Variants in UGT1A3 observed in about 807,000 individuals in gnomAD.
UGT1A3 encodes UDP glucuronosyltransferase family 1 member A3.
UGT1A3 carries 31 observed loss-of-function variants against 41.0 expected under a neutral mutation model. The ratio of observed to expected loss-of-function variants is 0.76; its 90% confidence interval spans 0.57 to 1.02. The LOEUF is 1.02. Among genes scored for constraint, UGT1A3 ranks in the 50% least tolerant of loss-of-function variants. The pLI, the probability that UGT1A3 is intolerant of heterozygous loss-of-function variation, is 0.00. For missense variants in UGT1A3, 737 were observed against 671.0 expected, an observed-to-expected ratio of 1.10 and a Z score of -1.09; for synonymous variants, 262 against 257.6, an observed-to-expected ratio of 1.02 and a Z score of -0.17.
rs587784540 is a variant in UGT1A3 at position 233,760,766 on chromosome 2, T to A, written c.868-6268T>A. 1.9e-6 allele frequency: 3 copies of A among 1,614,116 alleles called. No individual in the cohort carries two copies. The South Asian group carries it at 3.3e-5, about 18-fold the overall frequency. On this transcript the variant is annotated intron_variant, in intron 1 of 4. Coordinates refer to ENST00000482026, the MANE Select transcript of UGT1A3 (RefSeq NM_019093.4). ...CCTTTCCTTCCTTGCAGCCCCATCG[T>A]GGCCCAGTACCTGTCTCTGCCCACT...
chr2:233,743,714 T>A (rs1337587224), intron 1 of UGT1A3: 1 of 1,367,242 alleles, frequency 7.3e-7, no homozygotes, highest in Non-Finnish European at 9.8e-7. Context: ...CGCCTCGCCA[T>A]AGCGGTCATA....
At chr2:233,744,389 G>GC (rs1692798556) in intron 1 of UGT1A3, among the ~76,000 whole-genome samples, 1 of 151,858 alleles carries the variant, frequency 6.6e-6, no homozygotes, top group African/African-American at 2.4e-5. Flanking sequence ...CAACGTTCCA[G>GC]CCCCGGTGCC....
chr2:233,729,946 G>T lies in UGT1A3; in HGVS notation c.820G>T (p.Val274Phe), dbSNP rs757885815. ...DYPRPIMPNM[V>F]FIGGINCANR... is the part of the protein sequence containing the mutation. ...CCCCAGGCCAATCATGCCCAACATG[G>T]TCTTCATTGGGGGCATCAACTGTGC... Residue 274 changes from valine to phenylalanine, a missense_variant, in exon 1 of 5, where the codon GTC (valine) becomes TTC (phenylalanine). Transcript: ENST00000482026. 2 of 1,614,002 alleles carry T rather than the reference G, an allele frequency of 1.2e-6. No homozygotes were observed. The highest frequency in any genetic ancestry group is 1.7e-4 in the Middle Eastern group (1 of 6,056).
chr2:233,760,577 A>G (rs1222761790), intron 1 of UGT1A3: 2 of 1,614,128 alleles, frequency 1.2e-6, no homozygotes, highest in Non-Finnish European at 1.7e-6. Context: ...AGTCTCGGGC[A>G]TAATGTTTTT....
intron 1 of UGT1A3, among the ~76,000 whole-genome samples, chr2:233,759,177 G>A (rs926803147): frequency 1.3e-5 from 2 of 152,142 alleles, no homozygotes; most frequent in East Asian, 1.9e-4. Flanking sequence ...CAGGTTTCAC[G>A]GCAAAAAGTT....
At chr2:233,733,206 G>C (rs1439179922) in intron 1 of UGT1A3, among the ~76,000 whole-genome samples, 1 of 152,146 alleles carries the variant, frequency 6.6e-6, no homozygotes, top group Non-Finnish European at 1.5e-5. Context: ...AGGAGACTTT[G>C]GGCTGAGACA....
Position 233,729,068 on chromosome 2 carries a change from A to C in UGT1A3, c.-59A>C. On this transcript the variant is annotated 5_prime_UTR_variant, in exon 1 of 5. Coordinates refer to ENST00000482026, the MANE Select transcript of UGT1A3 (RefSeq NM_019093.4). ...GTGACAAGGTAATTAAGATGAAGAAAGCAAATGTAGCAGGCACAGCGTGGG... is the reference window on the plus strand; with the variant it reads ...GTGACAAGGTAATTAAGATGAAGAACGCAAATGTAGCAGGCACAGCGTGGG... The C allele has an allele frequency of 6.2e-7, 1 of 1,611,394 alleles. No individual in the cohort carries two copies.
At position 233,729,397 on chromosome 2, in the gene UGT1A3, C is replaced by T. The variant is rs762751427; in HGVS notation, c.271C>T (p.Arg91Cys). Residue 91 changes from arginine to cysteine, a missense_variant, in exon 1 of 5, where the codon CGC becomes TGC. Transcript: ENST00000482026. Reference sequence around the variant, plus strand: ...TTCGTGGACCCAGGATGAATTTGATCGCCATGTGCTGGGCCACACTCAACT... The same window carrying T: ...TTCGTGGACCCAGGATGAATTTGATTGCCATGTGCTGGGCCACACTCAACT... Reference protein sequence around the residue: ...AISWTQDEFDRHVLGHTQLYF... With the variant: ...AISWTQDEFDCHVLGHTQLYF... 4.0e-5 allele frequency: 64 copies of T among 1,613,538 alleles called. No homozygotes were observed. The highest frequency in any genetic ancestry group is 4.6e-5 in the Non-Finnish European group (54 of 1,179,722).
chr2:233,734,937 T>C lies in UGT1A3; in HGVS notation c.867+4944T>C, dbSNP rs140853448. 9.9e-3 allele frequency among the ~76,000 whole-genome samples: 1,505 copies of C among 152,312 alleles called. 23 individuals are homozygous for C. Among genetic ancestry groups the C allele is most frequent in the African/African-American group, 0.035 (1,436 of 41,556 alleles). On this transcript the variant is annotated intron_variant, in intron 1 of 4. Coordinates refer to ENST00000482026, the MANE Select transcript of UGT1A3 (RefSeq NM_019093.4). ...CTAAGGAGTGCTTTACTTACAATCA[T>C]ATGGTCAGTTTTAGAATAAGTGTGA...
chr2:233,730,990 C>T (rs2078094709), intron 1 of UGT1A3, among the ~76,000 whole-genome samples: 1 of 152,140 alleles, frequency 6.6e-6, no homozygotes, highest in Non-Finnish European at 1.5e-5. Context: ...TTTCTTATTC[C>T]TTGCTGTGCC....
At position 233,729,824 on chromosome 2, in the gene UGT1A3, G is replaced by T; in HGVS notation, c.698G>T (p.Ser233Ile). 6.2e-7 allele frequency: 1 copy of T among 1,613,884 alleles called. No homozygotes were observed. The highest frequency in any genetic ancestry group is 8.5e-7 in the Non-Finnish European group (1 of 1,179,858). ...CATGCTTTTTCTGCTCCTTATGCAA[G>T]CCTTGCCTCTGAGCTTTTTCAGAGA... ...ICHAFSAPYA[S>I]LASELFQREV... Residue 233 changes from serine to isoleucine, a missense_variant, in exon 1 of 5, where the codon AGC (serine) becomes ATC (isoleucine). Coordinates refer to ENST00000482026, the MANE Select transcript of UGT1A3 (RefSeq NM_019093.4).
chr2:233,742,206 C>T (rs2125841703), intron 1 of UGT1A3, among the ~76,000 whole-genome samples: 1 of 152,086 alleles, frequency 6.6e-6, no homozygotes, highest in African/African-American at 2.4e-5. Context: ...AGGGGACTCA[C>T]AGCCTTCAGG....
chr2:233,750,021 A>C (rs894423402), intron 1 of UGT1A3, among the ~76,000 whole-genome samples: 1 of 151,886 alleles, frequency 6.6e-6, no homozygotes, highest in African/African-American at 2.4e-5. Context: ...AGAGTGGAGT[A>C]CTGCTATAAA....
rs1699505482 is a variant in UGT1A3, at chr2:233,767,840, C to T, written c.1000-9C>T. The T allele has an allele frequency of 5.6e-6, 9 of 1,614,028 alleles. No homozygotes were observed. The highest frequency in any genetic ancestry group is 1.1e-5 in the South Asian group (1 of 91,070). ...TTTCTTTACGTTCTGCTCTTTTTGC[C>T]CCTCCCAGGTCCTGTGGCGGTACAC... On this transcript the variant is annotated splice_polypyrimidine_tract_variant and intron_variant, in intron 2 of 4. Coordinates refer to ENST00000482026, the MANE Select transcript of UGT1A3 (RefSeq NM_019093.4).
At chr2:233,748,842 G>A (rs562838283) in intron 1 of UGT1A3, among the ~76,000 whole-genome samples, 4 of 151,506 alleles carry the variant, frequency 2.6e-5, no homozygotes, top group South Asian at 2.1e-4. Context: ...ATAAAACTGT[G>A]AGCGTATAAG....
chr2:233,745,013 A>G (rs1344188212), intron 1 of UGT1A3, among the ~76,000 whole-genome samples: 1 of 151,876 alleles, frequency 6.6e-6, no homozygotes, highest in Non-Finnish European at 1.5e-5. Context: ...TAATAAATGT[A>G]AATGCTATGT....
At chr2:233,736,477 G>A (rs565407070) in intron 1 of UGT1A3, among the ~76,000 whole-genome samples, 3 of 152,154 alleles carry the variant, frequency 2.0e-5, no homozygotes, top group African/African-American at 7.2e-5. Context: ...GCTTGGAGAG[G>A]TTTGTTACTA....
At chr2:233,750,935 G>GCC (rs1240414460) in intron 1 of UGT1A3, among the ~76,000 whole-genome samples, 5 of 151,828 alleles carry the variant, frequency 3.3e-5, no homozygotes, top group Non-Finnish European at 7.3e-5. Flanking sequence ...TGAGGTTGGA[G>GCC]CCCCCACACA....
rs2077836996 is a variant in UGT1A3 at position 233,729,318 on chromosome 2, G to C, written c.192G>C (p.Glu64Asp). The stretch of plus-strand genomic sequence containing the variant: ...ACCAGGCAGTGGTCCTCACCCCAGA[G>C]GTGAATATGCACATCAAAGAAGAGA... ...RGHQAVVLTP[E>D]VNMHIKEENF... The change falls in exon 1 of 5, where the codon GAG becomes GAC. Residue 64 changes from glutamate (E) to aspartate (D), a missense_variant. Transcript: ENST00000482026. 5 of 1,614,128 alleles carry C rather than the reference G, an allele frequency of 3.1e-6. No homozygotes were observed. In the Middle Eastern group the frequency reaches 6.6e-4, roughly 212 times the overall value.
Sources: allele counts gnomAD v4.1 joint callset (sites outside exome capture counted in the v4.1 genomes callset), GRCh38; gene constraint gnomAD v4.1.1; transcripts MANE v1.5; gene names NCBI Gene and HGNC (gene_info 2026-07-23, HGNC 2026-07-21).